The following AFF3 variants were observed in gnomAD, a reference collection of about 807,000 sequenced individuals.
AFF3 encodes AF4/FMR2 family member 3.
Under a neutral mutation model 129.7 loss-of-function variants are expected in AFF3, and 32 were observed. That is an observed-to-expected ratio of 0.25 (90% confidence interval 0.19 to 0.33). The LOEUF is 0.33. Among genes scored for constraint, AFF3 ranks in the 10% least tolerant of loss-of-function variants. The pLI, the probability that AFF3 is intolerant of heterozygous loss-of-function variation, is 1.00. For synonymous variants in AFF3, 644 were observed against 635.4 expected, an observed-to-expected ratio of 1.01 and a Z score of -0.20; for missense variants, 1,373 against 1,592.0, an observed-to-expected ratio of 0.86 and a Z score of 2.34.
intron 8 of AFF3, among the ~76,000 whole-genome samples, chr2:99,796,346 A>G (rs1383745187): frequency 6.6e-6 from 1 of 152,256 alleles, no homozygotes; most frequent in Non-Finnish European, 1.5e-5. Flanking sequence ...TCAATTTATT[A>G]CATTGTGTCA....
chr2:99,850,142 G>A (rs1055691684), intron 7 of AFF3, among the ~76,000 whole-genome samples: 10 of 152,334 alleles, frequency 6.6e-5, no homozygotes, highest in African/African-American at 1.9e-4. Flanking sequence ...TGTTAAATAA[G>A]CATGCTATCT....
At chr2:99,658,004 T>A (rs939938481) in intron 12 of AFF3, among the ~76,000 whole-genome samples, 6 of 152,194 alleles carry the variant, frequency 3.9e-5, no homozygotes, top group African/African-American at 1.4e-4. Context: ...TCCCTAGAGA[T>A]AAACCCACGT....
At chr2:100,114,589 C>T (rs1006006486) in intron 2 of AFF3, among the ~76,000 whole-genome samples, 1 of 151,972 alleles carries the variant, frequency 6.6e-6, no homozygotes. Context: ...ACCATGTTGG[C>T]CAGGCTGGTC....
intron 24 of AFF3, among the ~76,000 whole-genome samples, chr2:99,553,990 A>C (rs184476293): frequency 6.1e-4 from 93 of 151,464 alleles, no homozygotes; most frequent in South Asian, 4.4e-3. Context: ...ACAATGACTT[A>C]TGTAGGGATA....
At chr2:99,871,506 A>G (rs1447536429) in intron 7 of AFF3, among the ~76,000 whole-genome samples, 1 of 150,952 alleles carries the variant, frequency 6.6e-6, no homozygotes, top group African/African-American at 2.5e-5. Context: ...CTGTTCACCT[A>G]AGGAAAGGCT....
At chr2:99,592,936 C>CG (rs1391714934) in intron 15 of AFF3, among the ~76,000 whole-genome samples, 15 of 86,496 alleles carry the variant, frequency 1.7e-4, no homozygotes, top group East Asian at 5.3e-4. Flanking sequence ...ACTCCCTCCC[C>CG]CCCCCCCAAA....
At chr2:100,032,860 A>G (rs1261620463) in intron 4 of AFF3, among the ~76,000 whole-genome samples, 3 of 152,154 alleles carry the variant, frequency 2.0e-5, no homozygotes, top group Non-Finnish European at 4.4e-5. Flanking sequence ...TATTTACTAT[A>G]AGTAATAAGA....
chr2:99,570,739 C>T (rs767110045), intron 18 of AFF3, among the ~76,000 whole-genome samples: 7 of 152,316 alleles, frequency 4.6e-5, no homozygotes, highest in Non-Finnish European at 7.4e-5. Context: ...TGCTTACTCA[C>T]GAAGGCCCTT....
At chr2:99,891,326 G>A (rs375128981) in intron 7 of AFF3, among the ~76,000 whole-genome samples, 140 of 152,266 alleles carry the variant, frequency 9.2e-4, no homozygotes, top group South Asian at 3.5e-3. Context: ...TGGGTGAAAG[G>A]CGTGTTCCCA....
At chr2:99,633,414 G>A (rs79992739) in intron 13 of AFF3, among the ~76,000 whole-genome samples, 3,975 of 152,248 alleles carry the variant, frequency 0.026, 175 homozygotes, top group African/African-American at 0.089. Context: ...GTAGCCTAAC[G>A]TATGGGTAGA....
Position 99,578,391 on chromosome 2 carries a change from G to C in AFF3, c.2854C>G (p.Pro952Ala). 1 of 1,611,130 alleles carries C rather than the reference G, an allele frequency of 6.2e-7. No homozygotes were observed. The highest frequency in any genetic ancestry group is 8.5e-7 in the Non-Finnish European group (1 of 1,178,988). Residue 952 changes from proline to alanine, a missense_variant, in exon 18 of 25, where the codon CCG (proline) becomes GCG (alanine). Transcript: ENST00000672756. ...TGGCCGTTGGAGCCTGGAGACCACGGCTTCGTCTGCGGCCGTGACTTGTGG... is the reference window on the plus strand; with the variant it reads ...TGGCCGTTGGAGCCTGGAGACCACGCCTTCGTCTGCGGCCGTGACTTGTGG... ...PLHKSRPQTK[P>A]WSPGSNGHRD...
intron 1 of AFF3, among the ~76,000 whole-genome samples, chr2:100,135,485 C>T (rs1249678396): frequency 6.6e-6 from 1 of 152,028 alleles, no homozygotes; most frequent in African/African-American, 2.4e-5. Context: ...TGTGAGAAGC[C>T]CAAGGCACAG....
intron 7 of AFF3, among the ~76,000 whole-genome samples, chr2:99,915,848 G>A (rs2106220453): frequency 6.6e-6 from 1 of 152,214 alleles, no homozygotes; most frequent in Middle Eastern, 3.4e-3. Context: ...ATTGAATTGA[G>A]AAGAACCAGC....
intron 15 of AFF3, 138 bp from the exon 16 acceptor site, chr2:99,587,416 G>A: frequency 5.2e-6 from 5 of 969,534 alleles, no homozygotes; most frequent in South Asian, 1.8e-5. Context: ...CTGAGCAGCT[G>A]TGCCCCTGCC....
intron 7 of AFF3, among the ~76,000 whole-genome samples, chr2:99,891,272 G>T (rs1033232139): frequency 3.9e-5 from 6 of 152,146 alleles, no homozygotes; most frequent in Non-Finnish European, 8.8e-5. Context: ...GAGTGTGAGA[G>T]CCCAGAAAAG....
chr2:99,677,095 C>T (rs1002048500), intron 11 of AFF3, among the ~76,000 whole-genome samples: 2 of 151,980 alleles, frequency 1.3e-5, no homozygotes, highest in Non-Finnish European at 2.9e-5. Flanking sequence ...TAGCAAAATA[C>T]TGTCTCTATA....
intron 4 of AFF3, among the ~76,000 whole-genome samples, chr2:100,045,570 T>C (rs1559083730): frequency 6.6e-6 from 1 of 151,890 alleles, no homozygotes; most frequent in African/African-American, 2.4e-5. Flanking sequence ...TTGTAGGTTT[T>C]TTTTTTTTTT....
intron 24 of AFF3, 152 bp downstream of exon 24, chr2:99,554,159 G>T: frequency 5.1e-6 from 4 of 781,458 alleles, no homozygotes; most frequent in Non-Finnish European, 8.3e-6. Flanking sequence ...TTTTGAACTA[G>T]TTAGTGACAT....
intron 4 of AFF3, among the ~76,000 whole-genome samples, chr2:100,090,772 G>A (rs1318884039): frequency 6.6e-6 from 1 of 152,232 alleles, no homozygotes; most frequent in East Asian, 1.9e-4. Context: ...TGCTTCCCAG[G>A]TTCAAGTGAT....
Sources: allele counts gnomAD v4.1 joint callset (sites outside exome capture counted in the v4.1 genomes callset), GRCh38; gene constraint gnomAD v4.1.1; transcripts MANE v1.5; gene names NCBI Gene and HGNC (gene_info 2026-07-23, HGNC 2026-07-21).